TAF3: variants seen among roughly 807,000 people sequenced by gnomAD.
TAF3 encodes TATA-box binding protein associated factor 3.
A neutral mutation model predicts 80.6 loss-of-function variants in TAF3; 7 were observed. That is an observed-to-expected ratio of 0.09 (90% CI 0.05 to 0.16). The LOEUF (loss-of-function observed/expected upper bound fraction) is 0.16. Among genes scored for constraint, TAF3 ranks in the 10% least tolerant of loss-of-function variants. The probability of loss-of-function intolerance (pLI) is 1.00; values close to 1 mark genes in which losing one functional copy is unlikely to be tolerated. For missense variants in TAF3, 921 were observed against 1,140.2 expected, an observed-to-expected ratio of 0.81 and a Z score of 2.77; for synonymous variants, 444 against 446.1, an observed-to-expected ratio of 1.00 and a Z score of 0.06.
At chr10:7,868,444 G>A (rs1379672892) in intron 2 of TAF3, among the ~76,000 whole-genome samples, 1 of 151,860 alleles carries the variant, frequency 6.6e-6, no homozygotes, top group African/African-American at 2.4e-5. Context: ...TGACATAGCA[G>A]CCAAGCTCTA....
At chr10:7,943,635 A>G (rs1413170388) in intron 2 of TAF3, among the ~76,000 whole-genome samples, 3 of 152,228 alleles carry the variant, frequency 2.0e-5, no homozygotes, top group African/African-American at 7.2e-5. Flanking sequence ...AGCTCAAGGC[A>G]TACAGATGGT....
At chr10:7,935,599 TAAAG>T (rs747864201) in intron 2 of TAF3, among the ~76,000 whole-genome samples, 53 of 151,546 alleles carry the variant, frequency 3.5e-4, no homozygotes, top group Non-Finnish European at 5.7e-4. Context: ...AATAAATAAA[TAAAG>T]CAAGCAAGCT....
chr10:7,887,484 T>C (rs1297160780), intron 2 of TAF3, among the ~76,000 whole-genome samples: 1 of 152,188 alleles, frequency 6.6e-6, no homozygotes, highest in African/African-American at 2.4e-5. Context: ...TCTTTTTCTC[T>C]GTTTCTTTTC....
At chr10:7,851,168 G>C (rs1184089520) in intron 2 of TAF3, among the ~76,000 whole-genome samples, 1 of 152,206 alleles carries the variant, frequency 6.6e-6, no homozygotes, top group Non-Finnish European at 1.5e-5. Context: ...GTGTGGGAAG[G>C]AAAGTTGCAA....
At chr10:7,985,079 G>GC (rs1831763052) in intron 4 of TAF3, among the ~76,000 whole-genome samples, 1 of 152,234 alleles carries the variant, frequency 6.6e-6, no homozygotes, top group Non-Finnish European at 1.5e-5. Flanking sequence ...CTTTTCCCAC[G>GC]CCTGCCTGCA....
intron 2 of TAF3, among the ~76,000 whole-genome samples, chr10:7,945,558 G>C (rs868533661): frequency 6.6e-6 from 1 of 152,010 alleles, no homozygotes; most frequent in African/African-American, 2.4e-5. Flanking sequence ...AGATGCCGCA[G>C]GGAGGCCAGG....
intron 2 of TAF3, among the ~76,000 whole-genome samples, chr10:7,872,609 T>C (rs547114281): frequency 1.3e-5 from 2 of 152,336 alleles, no homozygotes; most frequent in South Asian, 4.1e-4. Context: ...AGTTATAATA[T>C]CTTGCTTTCA....
chr10:7,862,161 T>G (rs1361418933), intron 2 of TAF3, among the ~76,000 whole-genome samples: 1 of 152,254 alleles, frequency 6.6e-6, no homozygotes. Flanking sequence ...AGATTGCCAG[T>G]GAATATATTT....
intron 2 of TAF3, among the ~76,000 whole-genome samples, chr10:7,886,798 C>A (rs1837412604): frequency 6.6e-6 from 1 of 152,100 alleles, no homozygotes; most frequent in African/African-American, 2.4e-5. Flanking sequence ...TTGTGTAAGC[C>A]TTATTCAGGA....
chr10:8,014,008 C>G (rs1832080389), intron 6 of TAF3, among the ~76,000 whole-genome samples, 171 bp downstream of exon 6: 1 of 139,368 alleles, frequency 7.2e-6, no homozygotes, highest in Non-Finnish European at 1.7e-5. Context: ...CTGCAAAACC[C>G]AAGAGTGCTT....
intron 2 of TAF3, among the ~76,000 whole-genome samples, chr10:7,957,046 C>T (rs115095904): frequency 0.011 from 1,711 of 152,092 alleles, 33 homozygotes; most frequent in African/African-American, 0.039. Context: ...ACATAATTTT[C>T]AATACATTCT....
intron 2 of TAF3, among the ~76,000 whole-genome samples, chr10:7,941,424 A>T (rs1564367929): frequency 6.6e-6 from 1 of 152,258 alleles, no homozygotes; most frequent in East Asian, 1.9e-4. Flanking sequence ...ACTGCACATG[A>T]GGATGCTACA....
chr10:7,912,992 A>G (rs115550816), intron 2 of TAF3, among the ~76,000 whole-genome samples: 1,700 of 152,278 alleles, frequency 0.011, 34 homozygotes, highest in African/African-American at 0.038. Flanking sequence ...ATGGGAGTCT[A>G]GGACCGAGGG....
chr10:7,855,191 G>C (rs1362755650), intron 2 of TAF3, among the ~76,000 whole-genome samples: 1 of 152,168 alleles, frequency 6.6e-6, no homozygotes, highest in African/African-American at 2.4e-5. Context: ...AGAGCCCCAG[G>C]CTTTGTGGCT....
intron 2 of TAF3, among the ~76,000 whole-genome samples, chr10:7,836,868 G>A (rs1218146009): frequency 6.6e-6 from 1 of 152,186 alleles, no homozygotes; most frequent in African/African-American, 2.4e-5. Flanking sequence ...CACTTTGTTG[G>A]CTCTCCAACT....
chr10:7,885,941 C>A (rs930317351), intron 2 of TAF3, among the ~76,000 whole-genome samples: 4 of 151,848 alleles, frequency 2.6e-5, no homozygotes, highest in African/African-American at 9.7e-5. Flanking sequence ...TTTTTAATTA[C>A]GTTTTTTGAG....
intron 2 of TAF3, among the ~76,000 whole-genome samples, chr10:7,876,618 A>G (rs889426126): frequency 4.6e-5 from 7 of 152,154 alleles, no homozygotes; most frequent in Non-Finnish European, 7.4e-5. Flanking sequence ...ATACAGAATC[A>G]CGGGGGTCAG....
intron 1 of TAF3, among the ~76,000 whole-genome samples, chr10:7,823,474 A>T (rs957118015): frequency 1.2e-4 from 18 of 145,360 alleles, no homozygotes; most frequent in Non-Finnish European, 2.1e-4. Context: ...CTACAAAATT[A>T]AAAAAAAAAA....
Position 7,965,523 on chromosome 10 carries a change from C to T in TAF3, c.2013C>T (p.Ala671=), listed in dbSNP as rs1554786127. The stretch of plus-strand genomic sequence containing the variant: ...TGCCCTTGTTCAGCCCTGCCACAGC[C>T]TCCAGGGTCCCAGCCATGCTGCCAT... ...LALPLFSPAT[A]SRVPAMLPSL... is the part of the protein sequence containing the mutation. The change falls in exon 3 of 7, where the codon GCC becomes GCT. Residue 671 remains alanine (A), a synonymous_variant. Transcript: ENST00000344293. 1 of 1,603,074 alleles carries T rather than the reference C, an allele frequency of 6.2e-7. No individual in the cohort carries two copies. Among genetic ancestry groups the T allele is most frequent in the South Asian group, 1.1e-5 (1 of 87,854 alleles).
Sources: allele counts gnomAD v4.1 joint callset (sites outside exome capture counted in the v4.1 genomes callset), GRCh38; gene constraint gnomAD v4.1.1; transcripts MANE v1.5; gene names NCBI Gene and HGNC (gene_info 2026-07-23, HGNC 2026-07-21).